The following SNAP23 variants were observed in gnomAD, a reference collection of about 807,000 sequenced individuals.
The protein encoded by SNAP23 is synaptosomal-associated protein 23.
In SNAP23, 11 loss-of-function variants were observed where a neutral mutation model predicts 29.0. The ratio of observed to expected loss-of-function variants is 0.38; its 90% CI spans 0.24 to 0.63. The LOEUF (loss-of-function observed/expected upper bound fraction) is 0.63, where lower values mean the gene tolerates loss of function less well. Among genes scored for constraint, SNAP23 ranks in the 20% least tolerant of loss-of-function variants. The pLI, the probability that SNAP23 is intolerant of heterozygous loss-of-function variation, is 0.58. For missense variants in SNAP23, 220 were observed against 253.9 expected, an observed-to-expected ratio of 0.87 and a Z score of 0.91; for synonymous variants, 60 against 82.9, an observed-to-expected ratio of 0.72 and a Z score of 1.50.
chr15:42,502,866 G>A (rs983476535), intron 1 of SNAP23, among the ~76,000 whole-genome samples: 1 of 152,156 alleles, frequency 6.6e-6, no homozygotes, highest in African/African-American at 2.4e-5. Context: ...GTAGAATTGT[G>A]GAAGTTCCTA....
At chr15:42,495,582 T>A (rs926519565), upstream of SNAP23, 4 of 152,278 alleles carry the variant, frequency 2.6e-5, no homozygotes, top group Non-Finnish European at 5.9e-5. Flanking sequence ...CAGGGGTGTG[T>A]CTGTGTCCGC....
intron 5 of SNAP23, among the ~76,000 whole-genome samples, chr15:42,522,278 C>G (rs2057455357): frequency 6.6e-6 from 1 of 152,160 alleles, no homozygotes; most frequent in East Asian, 1.9e-4. Context: ...ATCTTCTTTC[C>G]TTAAATAAGG....
intron 1 of SNAP23, among the ~76,000 whole-genome samples, chr15:42,498,052 C>T (rs2057238329): frequency 6.6e-6 from 1 of 152,198 alleles, no homozygotes; most frequent in African/African-American, 2.4e-5. Flanking sequence ...GACCCTGTGG[C>T]TTTGCAGGGT....
chr15:42,529,844 A>T, intron 7 of SNAP23, 25 bp downstream of exon 7: 1 of 1,608,666 alleles, frequency 6.2e-7, no homozygotes, highest in Admixed American at 1.7e-5. Context: ...TTGCCACAAG[A>T]AAATGAGACA....
chr15:42,518,024 CT>C (rs796496498), intron 5 of SNAP23, among the ~76,000 whole-genome samples: 24 of 147,482 alleles, frequency 1.6e-4, no homozygotes, highest in Middle Eastern at 3.6e-3. Context: ...GCACTTCTTT[CT>C]TTTTTTTTTT....
In SNAP23 at chr15:42,528,423, A is replaced by ATGCCAACTC; in HGVS notation, c.425+4_425+12dup. On this transcript the variant is annotated splice_donor_region_variant and intron_variant, in intron 6 of 7. Coordinates refer to ENST00000249647, the MANE Select transcript of SNAP23 (RefSeq NM_003825.4). ...GCCAGTGGTGGATACATTAAACGGTATGCCAACTCCTCCTGATATTCCTGT... is the reference window on the plus strand; with the variant it reads ...GCCAGTGGTGGATACATTAAACGGTATGCCAACTCTGCCAACTCCTCCTGATATTCCTGT... 6.2e-7 allele frequency: 1 copy of ATGCCAACTC among 1,614,058 alleles called. No homozygotes were observed. Among genetic ancestry groups the ATGCCAACTC allele is most frequent in the Non-Finnish European group, 8.5e-7 (1 of 1,179,914 alleles).
chr15:42,492,423 T>A (rs890179274), upstream of SNAP23, among the ~76,000 whole-genome samples: 1 of 152,002 alleles, frequency 6.6e-6, no homozygotes, highest in South Asian at 2.1e-4. Flanking sequence ...CTCACGCCTG[T>A]AATCCCAGCA....
In SNAP23 at chr15:42,528,435, C is replaced by G. The variant is rs751608909; in HGVS notation, c.425+15C>G. ...TACATTAAACGGTATGCCAACTCCT[C>G]CTGATATTCCTGTACCTTTCTTAAT... On this transcript the variant is annotated intron_variant, in intron 6 of 7. Coordinates refer to ENST00000249647, the MANE Select transcript of SNAP23 (RefSeq NM_003825.4). 1 of 1,613,314 alleles carries G rather than the reference C, an allele frequency of 6.2e-7. No individual in the cohort carries two copies. The highest frequency in any genetic ancestry group is 1.3e-5 in the African/African-American group (1 of 75,030).
intron 5 of SNAP23, among the ~76,000 whole-genome samples, chr15:42,524,275 C>T (rs2057475654): frequency 6.6e-6 from 1 of 152,108 alleles, no homozygotes; most frequent in African/African-American, 2.4e-5. Context: ...TTATATAAAA[C>T]AACAACAAAC....
intron 1 of SNAP23, among the ~76,000 whole-genome samples, chr15:42,503,595 C>T (rs564423189): frequency 6.6e-6 from 1 of 152,268 alleles, no homozygotes; most frequent in South Asian, 2.1e-4. Context: ...GTCTCGAACC[C>T]ATGACCTCAA....
At chr15:42,513,032 AT>A in intron 3 of SNAP23, 36 bp downstream of exon 3, 1 of 1,453,168 alleles carries the variant, frequency 6.9e-7, no homozygotes, top group Non-Finnish European at 9.7e-7. Flanking sequence ...AAGTATAGAA[AT>A]TTATAGGAGC....
rs570490270 is a variant in SNAP23, at chr15:42,530,766, A to G, written c.571-647A>G. On this transcript the variant is annotated intron_variant, in intron 7 of 7. Coordinates refer to ENST00000249647, the MANE Select transcript of SNAP23 (RefSeq NM_003825.4). ...CCCTTTCTCAAAAAGAAAGGAAAAA[A>G]AGAAAGTCATACCTCATTAAAATCT... Among the ~76,000 whole-genome samples the G allele has an allele frequency of 8.5e-5, 13 of 152,284 alleles. 1 individual carries two copies. Among genetic ancestry groups the G allele is most frequent in the Admixed American group, 8.5e-4 (13 of 15,296 alleles).
intron 1 of SNAP23, among the ~76,000 whole-genome samples, chr15:42,497,580 T>C (rs2057232408): frequency 6.6e-6 from 1 of 152,070 alleles, no homozygotes; most frequent in Non-Finnish European, 1.5e-5. Flanking sequence ...CCTGACCTCA[T>C]GATCCACCCA....
intron 7 of SNAP23, among the ~76,000 whole-genome samples, chr15:42,530,304 GGTGAAAATCT>G (rs1479753548): frequency 6.6e-6 from 1 of 152,108 alleles, no homozygotes; most frequent in Admixed American, 6.6e-5. Context: ...AGAGTCCGTA[GGTGAAAATCT>G]GTTCTGCAGA....
rs563110686 is a variant in SNAP23, at chr15:42,519,413, C to A, written c.266+4059C>A. ...TTGAGACAGAGTTTTACGTTGTCAC[C>A]CAGACTGGAGTGCAGTGGTACAATC... On this transcript the variant is annotated intron_variant, in intron 5 of 7. Transcript: ENST00000249647. 1.9e-3 allele frequency among the ~76,000 whole-genome samples: 293 copies of A among 151,164 alleles called. 1 individual carries two copies. The highest frequency in any genetic ancestry group is 6.6e-3 in the African/African-American group (270 of 41,088).
intron 1 of SNAP23, among the ~76,000 whole-genome samples, chr15:42,499,184 T>C (rs1377698067): frequency 6.6e-6 from 1 of 151,960 alleles, no homozygotes; most frequent in Non-Finnish European, 1.5e-5. Context: ...TTCTCCTGCC[T>C]CAGCCTCCCG....
At chr15:42,508,262 CAA>C (rs5812223) in intron 1 of SNAP23, among the ~76,000 whole-genome samples, 42 of 89,560 alleles carry the variant, frequency 4.7e-4, no homozygotes, top group Middle Eastern at 7.0e-3. Flanking sequence ...AGCCTTGCCT[CAA>C]AAAAAAAAAA....
upstream of SNAP23, among the ~76,000 whole-genome samples, chr15:42,493,857 C>T (rs758120234): frequency 2.0e-5 from 3 of 152,082 alleles, no homozygotes; most frequent in Non-Finnish European, 4.4e-5. Flanking sequence ...AGAACTTTAA[C>T]TTCCTGTTAC....
chr15:42,504,812 A>G (rs970731877), intron 1 of SNAP23, among the ~76,000 whole-genome samples: 7 of 152,226 alleles, frequency 4.6e-5, no homozygotes, highest in Non-Finnish European at 7.3e-5. Context: ...CCACTCACCC[A>G]CTATGCTATC....
Sources: allele counts gnomAD v4.1 joint callset (sites outside exome capture counted in the v4.1 genomes callset), GRCh38; gene constraint gnomAD v4.1.1; transcripts MANE v1.5; gene names NCBI Gene and HGNC (gene_info 2026-07-23, HGNC 2026-07-21).